The following MARCHF2 variants were observed in gnomAD, a reference collection of about 807,000 sequenced individuals.
MARCHF2 encodes the protein E3 ubiquitin-protein ligase MARCHF2.
MARCHF2 carries 22 observed loss-of-function variants against 24.0 expected under a neutral mutation model. That is an observed-to-expected ratio of 0.92 (90% CI 0.66 to 1.31). The LOEUF is 1.31. MARCHF2 is among the 50% of genes most tolerant of loss of function. The pLI is 0.00. For missense variants in MARCHF2, 301 were observed against 335.3 expected (o/e 0.90, Z 0.80); for synonymous variants, 154 against 153.0 (o/e 1.01, Z -0.05).
At chr19:8,419,335 A>C (rs968677261) in intron 1 of MARCHF2, among the ~76,000 whole-genome samples, 14 of 151,904 alleles carry the variant, frequency 9.2e-5, no homozygotes, top group African/African-American at 3.4e-4. Flanking sequence ...CTCTACTAAA[A>C]ATACAAAAAT....
At chr19:8,426,509 G>A in intron 2 of MARCHF2, 100 bp from the exon 3 acceptor site, 4 of 907,528 alleles carry the variant, frequency 4.4e-6, no homozygotes, top group Non-Finnish European at 5.2e-6. Context: ...TTCACTAAGT[G>A]GCAGCATGGG....
At chr19:8,424,487 G>GA (rs1483070798) in intron 2 of MARCHF2, among the ~76,000 whole-genome samples, 1 of 152,020 alleles carries the variant, frequency 6.6e-6, no homozygotes, top group Non-Finnish European at 1.5e-5. Flanking sequence ...CTAACACGGT[G>GA]AAACCCCGTC....
rs1967772940 is a variant in MARCHF2, at chr19:8,437,880, G to A, written c.583-508G>A. Reference sequence around the variant, plus strand: ...CTGCCTCAGCCTCCCAAGTAGCTGGGACTACAGGTCCGTGCCACCACGCCA... The same window carrying A: ...CTGCCTCAGCCTCCCAAGTAGCTGGAACTACAGGTCCGTGCCACCACGCCA... On this transcript the variant is annotated intron_variant, in intron 4 of 4. Coordinates refer to ENST00000215555, the MANE Select transcript of MARCHF2 (RefSeq NM_001005415.2). 2.0e-5 allele frequency among the ~76,000 whole-genome samples: 3 copies of A among 151,982 alleles called. No individual in the cohort carries two copies. In the South Asian group the frequency reaches 6.2e-4, roughly 32 times the overall value.
intron 4 of MARCHF2, among the ~76,000 whole-genome samples, chr19:8,432,652 A>G (rs1353664793): frequency 6.6e-6 from 1 of 151,820 alleles, no homozygotes; most frequent in Non-Finnish European, 1.5e-5. Flanking sequence ...TTAGCTGGGC[A>G]TGGTGGCACA....
chr19:8,421,386 T>TC (rs1366056609), intron 1 of MARCHF2, among the ~76,000 whole-genome samples: 19 of 144,650 alleles, frequency 1.3e-4, no homozygotes, highest in African/African-American at 4.5e-4. Context: ...TCTTTTCTTT[T>TC]TTTTTTTTTT....
intron 2 of MARCHF2, among the ~76,000 whole-genome samples, chr19:8,426,087 C>T (rs1451179278): frequency 2.6e-5 from 4 of 151,526 alleles, no homozygotes; most frequent in East Asian, 2.0e-4. Flanking sequence ...CACAATTAGC[C>T]GGGCGTGGTG....
chr19:8,420,159 A>AT (rs1967194754), intron 1 of MARCHF2, among the ~76,000 whole-genome samples: 3 of 116,342 alleles, frequency 2.6e-5, no homozygotes, highest in East Asian at 2.1e-4. Flanking sequence ...CTCCGTCTCA[A>AT]AAAATAAATA....
At chr19:8,415,117 G>A (rs1328288252) in intron 1 of MARCHF2, among the ~76,000 whole-genome samples, 1 of 152,192 alleles carries the variant, frequency 6.6e-6, no homozygotes, top group South Asian at 2.1e-4. Context: ...TCTATCTCCA[G>A]GCCGGGCGTG....
At position 8,413,349 on chromosome 19, in the gene MARCHF2, C is replaced by G. The variant is rs1020122416; in HGVS notation, c.-124C>G. ...AGCGGAGCTAGTGGCGCCGACGGGCCGGGCCGGGCCGGGACCGGGGCCGAG... is the reference window on the plus strand; with the variant it reads ...AGCGGAGCTAGTGGCGCCGACGGGCGGGGCCGGGCCGGGACCGGGGCCGAG... On this transcript the variant is annotated 5_prime_UTR_variant, in exon 1 of 5. Transcript: ENST00000215555. 1 of 148,114 alleles carries G rather than the reference C, an allele frequency of 6.8e-6. No individual in the cohort carries two copies. Among genetic ancestry groups the G allele is most frequent in the African/African-American group, 2.6e-5 (1 of 38,022 alleles). The allele number at this position is 148,114 out of a possible 1,614,324, so 9.2% of individuals were successfully genotyped here.
intron 1 of MARCHF2, among the ~76,000 whole-genome samples, chr19:8,417,815 T>C (rs1259775981): frequency 2.5e-5 from 3 of 120,934 alleles, no homozygotes; most frequent in African/African-American, 3.1e-5. Flanking sequence ...CAGGCTGGAG[T>C]GCAATGGTGC....
At chr19:8,434,181 C>T (rs758140215) in intron 4 of MARCHF2, among the ~76,000 whole-genome samples, 4 of 148,084 alleles carry the variant, frequency 2.7e-5, no homozygotes, top group Non-Finnish European at 4.4e-5. Flanking sequence ...GCCTCCTGGG[C>T]TCAAGCGATT....
In MARCHF2 at chr19:8,430,820, A is replaced by G; in HGVS notation, c.535A>G (p.Ile179Val). 2 of 1,610,810 alleles carry G rather than the reference A, an allele frequency of 1.2e-6. No homozygotes were observed. The highest frequency in any genetic ancestry group is 1.7e-6 in the Non-Finnish European group (2 of 1,179,964). Residue 179 changes from isoleucine (I) to valine (V), a missense_variant, in exon 4 of 5, where the codon ATT becomes GTT. Transcript: ENST00000215555. This position sits in a 1 kb window ranked among gnomAD's most constrained non-coding sequence, Gnocchi z 4.4. The stretch of plus-strand genomic sequence containing the variant: ...CAGCCAGCTGGAGGCCGTGGGTCTC[A>G]TTGCCCTCACCATCGCCCTCTTCAC... ...LHSQLEAVGL[I>V]ALTIALFTIY...
At chr19:8,423,204 C>A (rs984178748) in intron 2 of MARCHF2, among the ~76,000 whole-genome samples, 3 of 150,362 alleles carry the variant, frequency 2.0e-5, no homozygotes, top group Non-Finnish European at 1.5e-5. Flanking sequence ...GGATTACAGC[C>A]CCCCCGCCCC....
intron 1 of MARCHF2, among the ~76,000 whole-genome samples, chr19:8,419,878 GC>G (rs1399931752): frequency 1.4e-5 from 2 of 139,476 alleles, no homozygotes; most frequent in Non-Finnish European, 3.1e-5. Flanking sequence ...AAAAATAATT[GC>G]CGGGCGCAGT....
At position 8,430,885 on chromosome 19, in the gene MARCHF2, T is replaced by C. The variant is rs1286397240; in HGVS notation, c.582+18T>C. On this transcript the variant is annotated intron_variant, in intron 4 of 4. Transcript: ENST00000215555. The surrounding 1 kb of genome is among the most constrained non-coding windows in gnomAD (Gnocchi z 4.4). ...GGACGCTGGTGAGTGGCTGTGGTTG[T>C]GCAGCACGCGTCTCGAGCTCTGCCG... 6.4e-7 allele frequency: 1 copy of C among 1,560,854 alleles called. No homozygotes were observed. The highest frequency in any genetic ancestry group is 8.7e-7 in the Non-Finnish European group (1 of 1,154,210).
chr19:8,438,713 T>C lies in MARCHF2; in HGVS notation c.*167T>C, dbSNP rs1431594109. The C allele has an allele frequency of 6.6e-6, 4 of 605,644 alleles. No individual in the cohort carries two copies. Among genetic ancestry groups the C allele is most frequent in the Non-Finnish European group, 1.1e-5 (4 of 362,866 alleles). The allele number at this position is 605,644 out of a possible 1,614,324, so 37.5% of individuals were successfully genotyped here. ...GCAGAGCCTAGTCTGTGATCCTGTG[T>C]GAAGATATTTTCAGGGTTTTTTTTT... On this transcript the variant is annotated 3_prime_UTR_variant, in exon 5 of 5. Coordinates refer to ENST00000215555, the MANE Select transcript of MARCHF2 (RefSeq NM_001005415.2).
intron 4 of MARCHF2, among the ~76,000 whole-genome samples, chr19:8,431,349 T>A (rs1967577515): frequency 6.6e-6 from 1 of 150,376 alleles, no homozygotes; most frequent in Non-Finnish European, 1.5e-5. Context: ...AAATACAAAT[T>A]AACCAGGTGT....
chr19:8,425,267 AGCTACTCGGGAGGCTGAG>A (rs769365948), intron 2 of MARCHF2, among the ~76,000 whole-genome samples: 1 of 151,762 alleles, frequency 6.6e-6, no homozygotes, highest in Non-Finnish European at 1.5e-5. Flanking sequence ...CTGTAGTCTC[AGCTACTCGGGAGGCTGAG>A]GCTACTCGGG....
chr19:8,429,478 ACTTATTATTATT>A (rs766442721), intron 3 of MARCHF2, among the ~76,000 whole-genome samples: 30 of 107,024 alleles, frequency 2.8e-4, no homozygotes, highest in African/African-American at 5.8e-4. Flanking sequence ...AAATGAAAGA[ACTTATTATTATT>A]ATTATTATTA....
Sources: allele counts gnomAD v4.1 joint callset (sites outside exome capture counted in the v4.1 genomes callset), GRCh38; gene constraint gnomAD v4.1.1; non-coding constraint Gnocchi (gnomAD v3.1); transcripts MANE v1.5; gene names NCBI Gene and HGNC (gene_info 2026-07-23, HGNC 2026-07-21).